The following GAS7 variants were observed in gnomAD, a reference collection of about 807,000 sequenced individuals.
GAS7 encodes the protein growth arrest-specific protein 7.
A neutral mutation model predicts 71.1 loss-of-function variants in GAS7; 28 were observed. The ratio of observed to expected loss-of-function variants is 0.39; its 90% CI spans 0.29 to 0.54. The LOEUF is 0.54. Among genes scored for constraint, GAS7 ranks in the 20% least tolerant of loss-of-function variants. GAS7 has a pLI of 0.62. For synonymous variants in GAS7, 258 were observed against 245.8 expected, an observed-to-expected ratio of 1.05 and a Z score of -0.46; for missense variants, 436 against 627.8, an observed-to-expected ratio of 0.69 and a Z score of 3.27.
At chr17:10,063,051 C>T (rs916030604) in intron 1 of GAS7, among the ~76,000 whole-genome samples, 3 of 152,250 alleles carry the variant, frequency 2.0e-5, no homozygotes, top group Non-Finnish European at 2.9e-5. Flanking sequence ...ACCCTTGCCT[C>T]GCTCTGTGCT....
At position 9,974,332 on chromosome 17, in the gene GAS7, T is replaced by C. The variant is rs1206944672; in HGVS notation, c.386-4570A>G. Among the ~76,000 whole-genome samples the C allele has an allele frequency of 1.3e-5, 2 of 152,124 alleles. No individual in the cohort carries two copies. Among genetic ancestry groups the C allele is most frequent in the Admixed American group, 6.5e-5 (1 of 15,270 alleles). On this transcript the variant is annotated intron_variant, in intron 3 of 13. Transcript: ENST00000432992. This position sits in a 1 kb window ranked among gnomAD's most constrained non-coding sequence, Gnocchi z 4.0. ...ATAGCCCACAAGATCCTGGCAACCC[T>C]CACCCACGGCATTCCTCATTGCTAT...
chr17:10,197,831 C>T (rs967180130), intron 1 of GAS7, among the ~76,000 whole-genome samples: 5 of 152,232 alleles, frequency 3.3e-5, no homozygotes, highest in Non-Finnish European at 5.9e-5. Flanking sequence ...CACTTTCTCG[C>T]ACCCCTGATC....
intron 1 of GAS7, among the ~76,000 whole-genome samples, chr17:10,060,310 G>A (rs2073205844): frequency 6.6e-6 from 1 of 152,228 alleles, no homozygotes; most frequent in African/African-American, 2.4e-5. Context: ...ACCTCTCTGA[G>A]CTTCCAGCTT....
At chr17:10,100,651 C>A (rs567965013) in intron 1 of GAS7, among the ~76,000 whole-genome samples, 6 of 152,218 alleles carry the variant, frequency 3.9e-5, no homozygotes, top group South Asian at 4.1e-4. Flanking sequence ...ACCTCCCAAC[C>A]CCCCCATCCA....
chr17:9,973,257 T>A (rs1453813552), intron 3 of GAS7, among the ~76,000 whole-genome samples: 1 of 96,368 alleles, frequency 1.0e-5, no homozygotes, highest in Non-Finnish European at 1.9e-5. Flanking sequence ...TAGTAGAAAC[T>A]TTTTTTTTTT....
intron 1 of GAS7, among the ~76,000 whole-genome samples, chr17:10,141,888 G>A (rs1359723003): frequency 3.9e-5 from 6 of 152,202 alleles, no homozygotes; most frequent in Admixed American, 3.9e-4. Context: ...TCATGGTGAT[G>A]AGTCAGTAGG....
Position 10,198,542 on chromosome 17 carries a change from G to A in GAS7, c.-152C>T. 1 of 424,896 alleles carries A rather than the reference G, an allele frequency of 2.4e-6. No homozygotes were observed. The highest frequency in any genetic ancestry group is 3.9e-5 in the East Asian group (1 of 25,678). The allele number at this position is 424,896 out of a possible 1,614,324, so 26.3% of individuals were successfully genotyped here. On this transcript the variant is annotated 5_prime_UTR_variant, in exon 1 of 14. Coordinates refer to ENST00000432992, the MANE Select transcript of GAS7 (RefSeq NM_201433.2). ...TGGGGTGCGCGGGGGTCCTCAGGCAGGCGGGGGACGCGCGCTCCGCGCCGG... is the reference window on the plus strand; with the variant it reads ...TGGGGTGCGCGGGGGTCCTCAGGCAAGCGGGGGACGCGCGCTCCGCGCCGG...
chr17:10,142,050 A>G (rs984459371), intron 1 of GAS7, among the ~76,000 whole-genome samples: 1 of 152,026 alleles, frequency 6.6e-6, no homozygotes, highest in African/African-American at 2.4e-5. Context: ...AACATGGTGA[A>G]ACCCCGTCTC....
intron 1 of GAS7, among the ~76,000 whole-genome samples, chr17:10,097,662 G>A (rs2106099): frequency 0.032 from 4,806 of 152,138 alleles, 237 homozygotes; most frequent in African/African-American, 0.11. Flanking sequence ...TGCTTCTATC[G>A]GAATCCGCAG....
At position 10,026,232 on chromosome 17, in the gene GAS7, C is replaced by T. The variant is rs1225777863; in HGVS notation, c.184-6335G>A. On this transcript the variant is annotated intron_variant, in intron 1 of 13. Coordinates refer to ENST00000432992, the MANE Select transcript of GAS7 (RefSeq NM_201433.2). This position sits in a 1 kb window ranked among gnomAD's most constrained non-coding sequence, Gnocchi z 4.5. The stretch of plus-strand genomic sequence containing the variant: ...CACTCGCTTTAGCAGCCAGATCAGA[C>T]GGTTTTAAGGTCTCCCACTCTGCAT... 35 of 985,130 alleles carry T rather than the reference C, an allele frequency of 3.6e-5. No individual in the cohort carries two copies. Among genetic ancestry groups the T allele is most frequent in the Middle Eastern group, 5.2e-4 (1 of 1,940 alleles). 61.0% of individuals were successfully genotyped at this position (985,130 alleles called of 1,614,324 possible).
At chr17:9,996,843 T>C (rs1764429388) in intron 2 of GAS7, among the ~76,000 whole-genome samples, 1 of 151,848 alleles carries the variant, frequency 6.6e-6, no homozygotes, top group Non-Finnish European at 1.5e-5. Flanking sequence ...TTTCTCCATG[T>C]TGGCCAGGCT....
intron 1 of GAS7, among the ~76,000 whole-genome samples, chr17:10,151,160 C>CT (rs1255143652): frequency 6.6e-6 from 1 of 151,996 alleles, no homozygotes; most frequent in Admixed American, 6.6e-5. Flanking sequence ...CAGACTTCTT[C>CT]TTTTTTTAAG....
chr17:9,964,884 G>A (rs80288585), intron 4 of GAS7, among the ~76,000 whole-genome samples: 2,185 of 152,314 alleles, frequency 0.014, 131 homozygotes, highest in East Asian at 0.095. Context: ...GGAGGTGGTG[G>A]AGATTAAACA....
intron 9 of GAS7, among the ~76,000 whole-genome samples, chr17:9,933,680 C>G (rs1228506066): frequency 1.3e-5 from 2 of 151,936 alleles, no homozygotes; most frequent in Non-Finnish European, 2.9e-5. Context: ...CCCATCTCTA[C>G]AAATAAATAA....
chr17:10,034,377 C>T lies in GAS7; in HGVS notation c.184-14480G>A. 4.4e-6 allele frequency: 1 copy of T among 229,690 alleles called. No homozygotes were observed. Among genetic ancestry groups the T allele is most frequent in the South Asian group, 1.6e-4 (1 of 6,366 alleles). The allele number at this position is 229,690 out of a possible 1,614,324, so 14.2% of individuals were successfully genotyped here. A position where few individuals can be genotyped will look rare whatever the true frequency, so the allele number is the denominator to read the frequency against. On this transcript the variant is annotated intron_variant, in intron 1 of 13. Coordinates refer to ENST00000432992, the MANE Select transcript of GAS7 (RefSeq NM_201433.2). The surrounding 1 kb of genome is among the most constrained non-coding windows in gnomAD (Gnocchi z 4.4). Reference sequence around the variant, plus strand: ...AGGCTGGAGTGCAGTGGCGTGATCTCGGCTCACTGCAACCTAAGCCTTCCA... The same window carrying T: ...AGGCTGGAGTGCAGTGGCGTGATCTTGGCTCACTGCAACCTAAGCCTTCCA...
At chr17:10,188,589 A>C (rs76027894) in intron 1 of GAS7, among the ~76,000 whole-genome samples, 3,124 of 152,138 alleles carry the variant, frequency 0.021, 117 homozygotes, top group African/African-American at 0.071. Context: ...TTATTCAATC[A>C]CTGGCGAGAC....
chr17:9,939,448 C>T (rs1219589526), intron 8 of GAS7, among the ~76,000 whole-genome samples: 1 of 152,150 alleles, frequency 6.6e-6, no homozygotes, highest in African/African-American at 2.4e-5. Flanking sequence ...ACAATACCCT[C>T]TCATACGCAG....
At chr17:10,022,892 C>T (rs1473481616) in intron 1 of GAS7, among the ~76,000 whole-genome samples, 1 of 152,220 alleles carries the variant, frequency 6.6e-6, no homozygotes, top group African/African-American at 2.4e-5. Flanking sequence ...TGAGAGCTGG[C>T]CAGTGCGTTC....
At position 9,981,735 on chromosome 17, in the gene GAS7, T is replaced by C. The variant is rs1327872407; in HGVS notation, c.385+69A>G. 11 of 907,960 alleles carry C rather than the reference T, an allele frequency of 1.2e-5. No homozygotes were observed. The highest frequency in any genetic ancestry group is 3.2e-5 in the African/African-American group (2 of 61,628). 56.2% of individuals were successfully genotyped at this position (907,960 alleles called of 1,614,324 possible). On this transcript the variant is annotated intron_variant, in intron 3 of 13. Coordinates refer to ENST00000432992, the MANE Select transcript of GAS7 (RefSeq NM_201433.2). This position sits in a 1 kb window ranked among gnomAD's most constrained non-coding sequence, Gnocchi z 4.4. ...CAGGTTTAAGACCCAGGACCCATCATCTCAGCCTCTCCACTGAATGTGGCA... is the reference window on the plus strand; with the variant it reads ...CAGGTTTAAGACCCAGGACCCATCACCTCAGCCTCTCCACTGAATGTGGCA...
Sources: allele counts gnomAD v4.1 joint callset (sites outside exome capture counted in the v4.1 genomes callset), GRCh38; gene constraint gnomAD v4.1.1; non-coding constraint Gnocchi (gnomAD v3.1); transcripts MANE v1.5; gene names NCBI Gene and HGNC (gene_info 2026-07-23, HGNC 2026-07-21).